MACROD1: variants seen among roughly 807,000 people sequenced by gnomAD.
MACROD1 encodes mono-ADP ribosylhydrolase 1.
A neutral mutation model predicts 41.4 loss-of-function variants in MACROD1; 31 were observed. The observed-to-expected ratio is 0.75, with a 90% CI of 0.56 to 1.01. MACROD1 has a LOEUF of 1.01. Ranked by LOEUF, MACROD1 falls within the 50% of genes least tolerant of loss-of-function variation. The probability of loss-of-function intolerance (pLI) is 0.00; values close to 1 mark genes in which losing one functional copy is unlikely to be tolerated. For missense variants in MACROD1, 473 were observed against 460.0 expected, an observed-to-expected ratio of 1.03 and a Z score of -0.26; for synonymous variants, 252 against 203.4, an observed-to-expected ratio of 1.24 and a Z score of -2.03.
At chr11:64,101,858 G>T (rs951167122) in intron 3 of MACROD1, among the ~76,000 whole-genome samples, 1 of 151,928 alleles carries the variant, frequency 6.6e-6, no homozygotes, top group Non-Finnish European at 1.5e-5. Context: ...TTCTTCCTAG[G>T]GCAGCTTGTC....
intron 3 of MACROD1, among the ~76,000 whole-genome samples, chr11:64,138,814 C>G (rs1311196633): frequency 1.3e-5 from 2 of 151,826 alleles, no homozygotes; most frequent in Non-Finnish European, 2.9e-5. Flanking sequence ...GTCGCCCAGG[C>G]TGGAGTGCGG....
intron 3 of MACROD1, among the ~76,000 whole-genome samples, chr11:64,092,142 G>A (rs1455309709): frequency 1.3e-5 from 2 of 152,218 alleles, no homozygotes; most frequent in African/African-American, 4.8e-5. Context: ...TGTTAGGGTC[G>A]CCGTGGCATC....
At position 64,122,052 on chromosome 11, in the gene MACROD1, C is replaced by T. The variant is rs373546842; in HGVS notation, c.517+29187G>A. On this transcript the variant is annotated intron_variant, in intron 3 of 10. Coordinates refer to ENST00000255681, the MANE Select transcript of MACROD1 (RefSeq NM_014067.4). This position sits in a 1 kb window ranked among gnomAD's most constrained non-coding sequence, Gnocchi z 4.0. ...CAGGCCGGGAATCATTTGCATTTTG[C>T]GAATGAGGCCTCTTGTAAGCTCAGC... Among the ~76,000 whole-genome samples, 26 of 151,998 alleles carry T rather than the reference C, an allele frequency of 1.7e-4. No homozygotes were observed. In the East Asian group the frequency reaches 2.1e-3, roughly 12 times the overall value.
intron 3 of MACROD1, among the ~76,000 whole-genome samples, chr11:64,029,810 G>A (rs915920586): frequency 2.6e-5 from 4 of 152,346 alleles, no homozygotes; most frequent in Middle Eastern, 3.4e-3. Flanking sequence ...GACAGCTGGA[G>A]TAAAGGAAGG....
At chr11:64,017,034 A>G (rs1043390247) in intron 3 of MACROD1, among the ~76,000 whole-genome samples, 4 of 152,138 alleles carry the variant, frequency 2.6e-5, no homozygotes, top group African/African-American at 9.7e-5. Flanking sequence ...CAGTGGCACC[A>G]TCTCGGCTCG....
intron 3 of MACROD1, among the ~76,000 whole-genome samples, chr11:64,112,632 T>C (rs186182584): frequency 6.6e-6 from 1 of 152,324 alleles, no homozygotes; most frequent in Non-Finnish European, 1.5e-5. Context: ...TAATTCTCGA[T>C]AGGGTGCCCA....
intron 3 of MACROD1, chr11:64,117,617 C>T: frequency 6.2e-7 from 1 of 1,613,812 alleles, no homozygotes; most frequent in Non-Finnish European, 8.5e-7. Flanking sequence ...CGGCAGACTC[C>T]ATCCGCATCA....
At chr11:64,041,872 A>T (rs320133) in intron 3 of MACROD1, among the ~76,000 whole-genome samples, 3 of 152,116 alleles carry the variant, frequency 2.0e-5, no homozygotes, top group Non-Finnish European at 2.9e-5. Context: ...GTTTCACCTC[A>T]AGGCTGAGGG....
chr11:64,022,410 A>G (rs553504599), intron 3 of MACROD1, among the ~76,000 whole-genome samples: 28 of 152,230 alleles, frequency 1.8e-4, no homozygotes, highest in Non-Finnish European at 3.4e-4. Flanking sequence ...TGGCACCTCC[A>G]AGGGGCTCCA....
intron 5 of MACROD1, 96 bp from the exon 6 acceptor site, chr11:63,999,859 A>C (rs1942789139): frequency 7.4e-7 from 1 of 1,352,648 alleles, no homozygotes; most frequent in Non-Finnish European, 1.0e-6. Context: ...GGCAGGAAAC[A>C]CCTTTCCCCC....
At chr11:64,045,327 C>A (rs1054267849) in intron 3 of MACROD1, among the ~76,000 whole-genome samples, 1 of 152,242 alleles carries the variant, frequency 6.6e-6, no homozygotes, top group African/African-American at 2.4e-5. Flanking sequence ...CTCCTGGAAT[C>A]CTATTAAAAG....
At chr11:64,045,944 C>A (rs1943576690) in intron 3 of MACROD1, among the ~76,000 whole-genome samples, 1 of 152,184 alleles carries the variant, frequency 6.6e-6, no homozygotes, top group African/African-American at 2.4e-5. Context: ...AGCAGTGACA[C>A]TGGGTAACAT....
intron 3 of MACROD1, among the ~76,000 whole-genome samples, chr11:64,016,704 CA>C (rs1193621943): frequency 6.6e-6 from 1 of 152,222 alleles, no homozygotes; most frequent in African/African-American, 2.4e-5. Context: ...GAGATTAATA[CA>C]AGCAGCTAAT....
intron 3 of MACROD1, among the ~76,000 whole-genome samples, chr11:64,150,440 C>G (rs1473121659): frequency 6.6e-6 from 1 of 152,158 alleles, no homozygotes; most frequent in Non-Finnish European, 1.5e-5. Flanking sequence ...GAGGACCTGC[C>G]CCCCATATTC....
chr11:64,044,970 G>A (rs1284194949), intron 3 of MACROD1, among the ~76,000 whole-genome samples: 1 of 152,236 alleles, frequency 6.6e-6, no homozygotes, highest in Non-Finnish European at 1.5e-5. Flanking sequence ...ATCAGGGAAG[G>A]CCTCATAGGG....
intron 1 of MACROD1, among the ~76,000 whole-genome samples, chr11:64,161,513 GC>G (rs540088758): frequency 3.3e-5 from 5 of 152,318 alleles, no homozygotes; most frequent in African/African-American, 1.2e-4. Flanking sequence ...ATGTAACTTG[GC>G]TGAAAGTGTG....
chr11:64,077,907 A>T (rs1055979468), intron 3 of MACROD1, among the ~76,000 whole-genome samples: 1 of 152,020 alleles, frequency 6.6e-6, no homozygotes, highest in Non-Finnish European at 1.5e-5. Flanking sequence ...AGGCCCTTAG[A>T]CCCTCTGGGG....
At chr11:64,038,010 C>CG (rs1565204242) in intron 3 of MACROD1, among the ~76,000 whole-genome samples, 1 of 152,122 alleles carries the variant, frequency 6.6e-6, no homozygotes, top group African/African-American at 2.4e-5. Flanking sequence ...TTCAGAGGGT[C>CG]GGGGGGTCGG....
At position 63,998,824 on chromosome 11, in the gene MACROD1, G is replaced by T. The variant is rs756354648; in HGVS notation, c.*30+14C>A. The T allele has an allele frequency of 1.9e-6, 3 of 1,549,864 alleles. No individual in the cohort carries two copies. The highest frequency in any genetic ancestry group is 3.8e-5 in the Admixed American group (2 of 52,200). On this transcript the variant is annotated intron_variant, in intron 10 of 10. Transcript: ENST00000255681. Reference sequence around the variant, plus strand: ...TAGGGCCGGGGCCGCCGCACGGGGCGAGGCCCTGCTTACCAGTCCCGGTCA... The same window carrying T: ...TAGGGCCGGGGCCGCCGCACGGGGCTAGGCCCTGCTTACCAGTCCCGGTCA...
Sources: gnomAD v4.1 joint callset for allele counts (sites outside exome capture counted in the v4.1 genomes callset) on GRCh38, gnomAD v4.1.1 for gene constraint, Gnocchi (gnomAD v3.1) non-coding constraint, MANE v1.5 for transcripts, NCBI Gene and HGNC (gene_info 2026-07-23, HGNC 2026-07-21) for gene names.